CAMK4: variants seen among roughly 807,000 people sequenced by gnomAD.
CAMK4 encodes calcium/calmodulin-dependent protein kinase type IV.
Under a neutral mutation model 44.9 loss-of-function variants are expected in CAMK4, and 22 were observed. The ratio of observed to expected loss-of-function variants is 0.49; its 90% confidence interval spans 0.35 to 0.70. CAMK4 has a LOEUF of 0.70. Among genes scored for constraint, CAMK4 ranks in the 30% least tolerant of loss-of-function variants. The pLI, the probability that CAMK4 is intolerant of heterozygous loss-of-function variation, is 0.01. For synonymous variants in CAMK4, 218 were observed against 215.4 expected, an observed-to-expected ratio of 1.01 and a Z score of -0.11; for missense variants, 498 against 586.8, an observed-to-expected ratio of 0.85 and a Z score of 1.56.
intron 1 of CAMK4, among the ~76,000 whole-genome samples, chr5:111,315,061 A>T (rs1375161229): frequency 6.6e-6 from 1 of 152,160 alleles, no homozygotes; most frequent in Non-Finnish European, 1.5e-5. Flanking sequence ...CTGGTAAACA[A>T]ATTGTTACCT....
intron 1 of CAMK4, among the ~76,000 whole-genome samples, chr5:111,261,643 G>A (rs1343507331): frequency 1.3e-5 from 2 of 150,052 alleles, no homozygotes; most frequent in Non-Finnish European, 3.0e-5. Flanking sequence ...AAAAATTTTA[G>A]TGTCACGTTT....
In CAMK4 at chr5:111,224,442, G is replaced by A. The variant is rs905137891; in HGVS notation, c.-42G>A. 13 of 1,384,846 alleles carry A rather than the reference G, an allele frequency of 9.4e-6. No individual in the cohort carries two copies. The highest frequency in any genetic ancestry group is 7.2e-5 in the Admixed American group (3 of 41,820). The allele number at this position is 1,384,846 out of a possible 1,614,324, so 85.8% of individuals were successfully genotyped here. A position where few individuals can be genotyped will look rare whatever the true frequency, so the allele number is the denominator to read the frequency against. On this transcript the variant is annotated 5_prime_UTR_variant, in exon 1 of 11. Coordinates refer to ENST00000282356, the MANE Select transcript of CAMK4 (RefSeq NM_001744.6). This position sits in a 1 kb window ranked among gnomAD's most constrained non-coding sequence, Gnocchi z 5.7. The stretch of plus-strand genomic sequence containing the variant: ...GCGGCCGGCTTCTCGCTCGGGCAGC[G>A]GCGGCGGCGGCGGCGGCGGCTTCCG...
chr5:111,290,197 T>C lies in CAMK4; in HGVS notation c.162-53827T>C, dbSNP rs77514348. 1.3e-3 allele frequency among the ~76,000 whole-genome samples: 199 copies of C among 152,218 alleles called. 3 individuals carry two copies. The East Asian group carries it at 0.031, about 24-fold the overall frequency. Reference sequence around the variant, plus strand: ...CGCCTGCTCCCCTACCCATAAAAATTTTCCTTGAGCTGGAAGCTAAGATGG... The same window carrying C: ...CGCCTGCTCCCCTACCCATAAAAATCTTCCTTGAGCTGGAAGCTAAGATGG... On this transcript the variant is annotated intron_variant, in intron 1 of 10. Coordinates refer to ENST00000282356, the MANE Select transcript of CAMK4 (RefSeq NM_001744.6). The surrounding 1 kb of genome is among the most constrained non-coding windows in gnomAD (Gnocchi z 4.5).
chr5:111,255,672 C>T (rs958025492), intron 1 of CAMK4, among the ~76,000 whole-genome samples: 9 of 152,144 alleles, frequency 5.9e-5, no homozygotes, highest in African/African-American at 1.7e-4. Flanking sequence ...TGTTTGCATA[C>T]CCGAAGCCCC....
intron 5 of CAMK4, among the ~76,000 whole-genome samples, chr5:111,409,138 G>C (rs1355838300): frequency 2.0e-5 from 3 of 152,190 alleles, no homozygotes; most frequent in African/African-American, 7.2e-5. Flanking sequence ...TGAGGACTTT[G>C]TGTGGGGGCT....
chr5:111,491,018 T>C lies in CAMK4; in HGVS notation c.*6552T>C, dbSNP rs1189543625. On this transcript the variant is annotated 3_prime_UTR_variant, in exon 11 of 11. Transcript: ENST00000282356. The stretch of plus-strand genomic sequence containing the variant: ...AAAGATTATTAGTAAACAAATTAGT[T>C]ATTTATGCTCTTACTTGAATGTCAG... 2.0e-5 allele frequency: 3 copies of C among 152,222 alleles called. No individual in the cohort carries two copies. The highest frequency in any genetic ancestry group is 4.4e-5 in the Non-Finnish European group (3 of 68,042). 9.4% of individuals were successfully genotyped at this position (152,222 alleles called of 1,614,324 possible). A position where few individuals can be genotyped will look rare whatever the true frequency, so the allele number is the denominator to read the frequency against.
chr5:111,417,407 G>A (rs1752853953), intron 5 of CAMK4, among the ~76,000 whole-genome samples: 1 of 151,886 alleles, frequency 6.6e-6, no homozygotes, highest in Admixed American at 6.6e-5. Flanking sequence ...GTAGAGATGG[G>A]GTTTCACCAT....
At chr5:111,248,957 G>C (rs561221399) in intron 1 of CAMK4, among the ~76,000 whole-genome samples, 1 of 150,918 alleles carries the variant, frequency 6.6e-6, no homozygotes, top group Non-Finnish European at 1.5e-5. Context: ...TTCCTATTGC[G>C]GGGGCGGTGT....
intron 2 of CAMK4, among the ~76,000 whole-genome samples, chr5:111,356,985 G>C (rs1056658670): frequency 1.3e-5 from 2 of 152,016 alleles, no homozygotes; most frequent in Non-Finnish European, 2.9e-5. Context: ...CCATGAGCTA[G>C]AGCACCAACA....
chr5:111,354,694 C>T (rs1466695036), intron 2 of CAMK4, among the ~76,000 whole-genome samples: 1 of 151,958 alleles, frequency 6.6e-6, no homozygotes, highest in Admixed American at 6.6e-5. Context: ...GAGACTCTGT[C>T]TCAAAAATAA....
At chr5:111,334,220 A>G (rs1371465445) in intron 1 of CAMK4, among the ~76,000 whole-genome samples, 1 of 151,642 alleles carries the variant, frequency 6.6e-6, no homozygotes, top group East Asian at 1.9e-4. Flanking sequence ...GGCAACTTCT[A>G]AATTCTAAAG....
intron 5 of CAMK4, among the ~76,000 whole-genome samples, chr5:111,421,639 T>A: frequency 6.6e-6 from 1 of 152,206 alleles, no homozygotes; most frequent in East Asian, 1.9e-4. Flanking sequence ...TTTGCTTAGG[T>A]TTGTCTTGTT....
intron 5 of CAMK4, among the ~76,000 whole-genome samples, chr5:111,430,116 A>C (rs1191830616): frequency 6.6e-6 from 1 of 152,224 alleles, no homozygotes; most frequent in African/African-American, 2.4e-5. Flanking sequence ...AAGGTAATCC[A>C]TCATGACCAA....
At chr5:111,356,553 G>A (rs1314672676) in intron 2 of CAMK4, among the ~76,000 whole-genome samples, 2 of 152,202 alleles carry the variant, frequency 1.3e-5, no homozygotes, top group African/African-American at 4.8e-5. Flanking sequence ...ATTGCTTTTG[G>A]TGTTTTAGAC....
chr5:111,298,947 A>C (rs1747605956), intron 1 of CAMK4, among the ~76,000 whole-genome samples: 1 of 152,240 alleles, frequency 6.6e-6, no homozygotes, highest in Admixed American at 6.5e-5. Context: ...GACCACCTGC[A>C]GAGATGGTGG....
At chr5:111,244,587 G>A (rs1749149132) in intron 1 of CAMK4, among the ~76,000 whole-genome samples, 1 of 152,186 alleles carries the variant, frequency 6.6e-6, no homozygotes, top group South Asian at 2.1e-4. Flanking sequence ...AATAGTCTGG[G>A]CGCAGTGGCA....
At chr5:111,236,172 C>G (rs1395635158) in intron 1 of CAMK4, among the ~76,000 whole-genome samples, 1 of 152,142 alleles carries the variant, frequency 6.6e-6, no homozygotes, top group African/African-American at 2.4e-5. Context: ...AATATTATTC[C>G]CCACACAGGC....
chr5:111,295,422 T>A (rs555310012), intron 1 of CAMK4, among the ~76,000 whole-genome samples: 1 of 152,304 alleles, frequency 6.6e-6, no homozygotes, highest in Admixed American at 6.5e-5. Flanking sequence ...GAATTTTGGT[T>A]CAAGTTAGGT....
intron 1 of CAMK4, among the ~76,000 whole-genome samples, chr5:111,337,036 A>G (rs139657100): frequency 6.6e-6 from 1 of 151,218 alleles, no homozygotes; most frequent in East Asian, 2.0e-4. Context: ...ACAATTGTAT[A>G]TAGTTGTGTA....
Sources: allele counts gnomAD v4.1 joint callset (sites outside exome capture counted in the v4.1 genomes callset), GRCh38; gene constraint gnomAD v4.1.1; non-coding constraint Gnocchi (gnomAD v3.1); transcripts MANE v1.5; gene names NCBI Gene and HGNC (gene_info 2026-07-23, HGNC 2026-07-21).